Variants in ERC1 observed in about 807,000 individuals in gnomAD.
ERC1 encodes RAB6 interacting protein 2.
ERC1 carries 56 observed loss-of-function variants against 132.0 expected under a neutral mutation model. The ratio of observed to expected loss-of-function variants is 0.42; its 90% confidence interval spans 0.34 to 0.53. The LOEUF (loss-of-function observed/expected upper bound fraction) is 0.53, where lower values mean the gene tolerates loss of function less well. Among genes scored for constraint, ERC1 ranks in the 20% least tolerant of loss-of-function variants. The pLI is 0.03. For synonymous variants in ERC1, 478 were observed against 476.1 expected (o/e 1.00, Z -0.05); for missense variants, 1,202 against 1,349.9 (o/e 0.89, Z 1.72).
At chr12:1,188,251 T>C (rs1955330696) in intron 11 of ERC1, among the ~76,000 whole-genome samples, 1 of 152,202 alleles carries the variant, frequency 6.6e-6, no homozygotes, top group South Asian at 2.1e-4. Flanking sequence ...TTTGTTTGCA[T>C]CTTCAATCTC....
rs118003090 is a variant in ERC1, at chr12:1,121,609, G to A, written c.1569+5576G>A. Among the ~76,000 whole-genome samples the A allele has an allele frequency of 8.6e-5, 13 of 151,952 alleles. No homozygotes were observed. In the East Asian group the frequency reaches 2.5e-3, roughly 29 times the overall value. ...TGCTGAGAACCCTTCTGAGCACTGG[G>A]GATACAGTGGCAAATGAAACAAAGG... On this transcript the variant is annotated intron_variant, in intron 7 of 18. Coordinates refer to ENST00000360905, the MANE Select transcript of ERC1 (RefSeq NM_178040.4).
At chr12:1,064,068 A>G (rs1565891709) in intron 2 of ERC1, among the ~76,000 whole-genome samples, 2 of 152,064 alleles carry the variant, frequency 1.3e-5, no homozygotes, top group South Asian at 2.1e-4. Flanking sequence ...TTGGCTAACA[A>G]TTTTTTTGCT....
intron 1 of ERC1, among the ~76,000 whole-genome samples, chr12:1,025,842 A>G (rs1592769244): frequency 7.5e-6 from 1 of 133,790 alleles, no homozygotes; most frequent in East Asian, 2.2e-4. Flanking sequence ...CTTGTCACCC[A>G]GGCTGGAGTG....
chr12:1,436,481 G>T (rs184589195), intron 17 of ERC1, among the ~76,000 whole-genome samples: 10 of 152,206 alleles, frequency 6.6e-5, no homozygotes, highest in Non-Finnish European at 1.5e-4. Context: ...GGGTAACTCC[G>T]CTTGCCTTTC....
At chr12:1,436,863 T>A (rs919286006) in intron 17 of ERC1, among the ~76,000 whole-genome samples, 1 of 152,174 alleles carries the variant, frequency 6.6e-6, no homozygotes, top group East Asian at 1.9e-4. Flanking sequence ...CTGTCTCTTC[T>A]CCCTCTTTTG....
intron 2 of ERC1, among the ~76,000 whole-genome samples, chr12:1,076,090 T>G (rs1941291766): frequency 6.6e-6 from 1 of 152,238 alleles, no homozygotes; most frequent in African/African-American, 2.4e-5. Flanking sequence ...TTGTCTTTCT[T>G]GAATATTGTT....
chr12:1,448,570 G>A (rs1212978576), intron 18 of ERC1, among the ~76,000 whole-genome samples: 45 of 152,230 alleles, frequency 3.0e-4, no homozygotes, highest in Admixed American at 2.7e-3. Flanking sequence ...TTTATTTTGT[G>A]TGCGTGTTTT....
intron 3 of ERC1, among the ~76,000 whole-genome samples, chr12:1,097,192 T>G (rs149105641): frequency 6.6e-6 from 1 of 152,360 alleles, no homozygotes; most frequent in Non-Finnish European, 1.5e-5. Context: ...GTGGAATGAC[T>G]TCTCTCCTGG....
chr12:1,475,097 A>G (rs1198563894), intron 18 of ERC1, among the ~76,000 whole-genome samples: 1 of 152,204 alleles, frequency 6.6e-6, no homozygotes, highest in East Asian at 1.9e-4. Context: ...GCCAGAGGCC[A>G]CCTTCGTATC....
intron 2 of ERC1, among the ~76,000 whole-genome samples, chr12:1,061,248 C>T (rs191857444): frequency 6.6e-6 from 1 of 152,000 alleles, no homozygotes; most frequent in Admixed American, 6.5e-5. Flanking sequence ...TTGTTTGAGT[C>T]TTCTCTCTTC....
intron 15 of ERC1, among the ~76,000 whole-genome samples, chr12:1,307,715 T>A (rs1315364789): frequency 6.6e-6 from 1 of 152,202 alleles, no homozygotes; most frequent in African/African-American, 2.4e-5. Context: ...TATTTAAAAT[T>A]GAGCATTTTT....
chr12:1,161,707 T>A (rs1271282912), intron 8 of ERC1, among the ~76,000 whole-genome samples: 1 of 152,176 alleles, frequency 6.6e-6, no homozygotes, highest in Admixed American at 6.5e-5. Flanking sequence ...ACTTTAGGTA[T>A]CCCTGTAGAG....
chr12:1,261,881 G>A (rs373497297), intron 13 of ERC1, among the ~76,000 whole-genome samples: 2 of 152,186 alleles, frequency 1.3e-5, no homozygotes, highest in East Asian at 3.9e-4. Flanking sequence ...AAACGAGAGA[G>A]GAAAAGATTT....
intron 13 of ERC1, among the ~76,000 whole-genome samples, chr12:1,245,642 T>A (rs1023447909): frequency 6.6e-6 from 1 of 152,212 alleles, no homozygotes; most frequent in Non-Finnish European, 1.5e-5. Flanking sequence ...GTTCAACACA[T>A]TAAAAATGTT....
chr12:1,209,635 A>C (rs934821673), intron 12 of ERC1, among the ~76,000 whole-genome samples: 2 of 152,198 alleles, frequency 1.3e-5, no homozygotes. Context: ...TCTCAAACTT[A>C]AGTGTCATAC....
rs1972589194 is a variant in ERC1, at chr12:1,054,542, C to T, written c.669+25970C>T. Among the ~76,000 whole-genome samples the T allele has an allele frequency of 4.0e-5, 6 of 151,888 alleles. No homozygotes were observed. In the South Asian group the frequency reaches 1.2e-3, roughly 32 times the overall value. Reference sequence around the variant, plus strand: ...CTGCAGGCAGAGTTCAGCATTTAGGCAAAACGGATGGCAGTGTTAGCTGTT... The same window carrying T: ...CTGCAGGCAGAGTTCAGCATTTAGGTAAAACGGATGGCAGTGTTAGCTGTT... On this transcript the variant is annotated intron_variant, in intron 2 of 18. Coordinates refer to ENST00000360905, the MANE Select transcript of ERC1 (RefSeq NM_178040.4).
intron 15 of ERC1, among the ~76,000 whole-genome samples, chr12:1,300,405 T>C (rs1716706510): frequency 6.6e-6 from 1 of 151,948 alleles, no homozygotes; most frequent in Non-Finnish European, 1.5e-5. Context: ...CGGGCAAGGA[T>C]TTCATGACAA....
chr12:1,217,977 A>G (rs1312428029), intron 12 of ERC1, among the ~76,000 whole-genome samples: 1 of 152,176 alleles, frequency 6.6e-6, no homozygotes, highest in African/African-American at 2.4e-5. Context: ...ATTTATGGCC[A>G]CAGATCTCAA....
intron 13 of ERC1, among the ~76,000 whole-genome samples, chr12:1,258,947 G>T (rs2076973770): frequency 6.6e-6 from 1 of 152,084 alleles, no homozygotes; most frequent in African/African-American, 2.4e-5. Flanking sequence ...TCTTTTCACA[G>T]TAAACAGTTA....
Sources: gnomAD v4.1 joint callset for allele counts (sites outside exome capture counted in the v4.1 genomes callset) on GRCh38, gnomAD v4.1.1 for gene constraint, MANE v1.5 for transcripts, NCBI Gene and HGNC (gene_info 2026-07-23, HGNC 2026-07-21) for gene names.